Variants in SPAG6 observed in about 807,000 individuals in gnomAD.
SPAG6 encodes the protein sperm associated antigen 6.
Under a neutral mutation model 58.5 loss-of-function variants are expected in SPAG6, and 49 were observed. The observed-to-expected ratio is 0.84, with a 90% CI of 0.67 to 1.06. The LOEUF (loss-of-function observed/expected upper bound fraction) is 1.06. Among genes scored for constraint, SPAG6 ranks in the 50% least tolerant of loss-of-function variants. The probability of loss-of-function intolerance (pLI) is 0.00; values close to 1 mark genes in which losing one functional copy is unlikely to be tolerated. For missense variants in SPAG6, 560 were observed against 611.3 expected (o/e 0.92, Z 0.89); for synonymous variants, 233 against 225.6 (o/e 1.03, Z -0.29).
intron 4 of SPAG6, among the ~76,000 whole-genome samples, chr10:22,377,584 T>C (rs886292532): frequency 6.6e-6 from 1 of 152,212 alleles, no homozygotes; most frequent in East Asian, 1.9e-4. Flanking sequence ...CAGTGGGATA[T>C]TAGGCAACTG....
intron 7 of SPAG6, 35 bp from the exon 8 acceptor site, chr10:22,391,694 A>T: frequency 1.3e-6 from 2 of 1,596,898 alleles, no homozygotes; most frequent in Non-Finnish European, 1.7e-6. Flanking sequence ...CCTGCTCTAG[A>T]TTCATAACAC....
intron 2 of SPAG6, among the ~76,000 whole-genome samples, chr10:22,354,451 A>G (rs1836811734): frequency 6.6e-6 from 1 of 152,226 alleles, no homozygotes; most frequent in Admixed American, 6.5e-5. Context: ...TGAGATATCC[A>G]TGCGTCAGTG....
chr10:22,406,813 T>G (rs370661556), intron 9 of SPAG6, among the ~76,000 whole-genome samples: 45 of 152,060 alleles, frequency 3.0e-4, no homozygotes, highest in African/African-American at 8.7e-4. Context: ...TTATGAATCT[T>G]GGTGCTCCTG....
chr10:22,405,549 T>C (rs1396756649), intron 9 of SPAG6, among the ~76,000 whole-genome samples: 14 of 150,594 alleles, frequency 9.3e-5, no homozygotes, highest in African/African-American at 2.9e-4. Flanking sequence ...CAGTATTTTA[T>C]TGAGGATTTT....
intron 3 of SPAG6, among the ~76,000 whole-genome samples, chr10:22,365,551 A>G (rs1032600056): frequency 6.6e-6 from 1 of 152,056 alleles, no homozygotes; most frequent in Non-Finnish European, 1.5e-5. Context: ...TCCCCCTCCT[A>G]TCTGGTACCA....
intron 3 of SPAG6, among the ~76,000 whole-genome samples, chr10:22,367,862 A>C (rs971322517): frequency 6.6e-6 from 1 of 152,058 alleles, no homozygotes; most frequent in Admixed American, 6.5e-5. Flanking sequence ...TTAAAAAAAA[A>C]GCATTTCTAG....
At chr10:22,363,522 A>G (rs1404993221) in intron 2 of SPAG6, among the ~76,000 whole-genome samples, 3 of 152,222 alleles carry the variant, frequency 2.0e-5, no homozygotes, top group Admixed American at 2.0e-4. Flanking sequence ...AACCTAGCCA[A>G]CTTAGGCACG....
At chr10:22,362,234 T>C (rs138299639) in intron 2 of SPAG6, among the ~76,000 whole-genome samples, 5 of 148,408 alleles carry the variant, frequency 3.4e-5, no homozygotes, top group African/African-American at 1.2e-4. Flanking sequence ...TATATCTATA[T>C]ATTTCCCCCC....
chr10:22,408,318 T>C (rs1271816133), intron 9 of SPAG6, among the ~76,000 whole-genome samples: 1 of 138,238 alleles, frequency 7.2e-6, no homozygotes, highest in Non-Finnish European at 1.5e-5. Context: ...GTTTTCGGTG[T>C]GGATGTCCTT....
intron 8 of SPAG6, among the ~76,000 whole-genome samples, chr10:22,398,456 A>G (rs922169461): frequency 2.0e-5 from 3 of 152,212 alleles, no homozygotes; most frequent in Admixed American, 6.5e-5. Context: ...GCCTGGGCAC[A>G]TGGCTTATGC....
rs558651065 is a variant in SPAG6 at position 22,369,221 on chromosome 10, A to C, written c.472+543A>C. Among the ~76,000 whole-genome samples, 10 of 152,254 alleles carry C rather than the reference A, an allele frequency of 6.6e-5. No individual in the cohort carries two copies. The East Asian group carries it at 1.9e-3, about 29-fold the overall frequency. ...ATTCAACTCATACTGGGCAGGAAGA[A>C]GAGAAGGAGCATGTTCTCCTATAAA... On this transcript the variant is annotated intron_variant, in intron 4 of 10. Coordinates refer to ENST00000376624, the MANE Select transcript of SPAG6 (RefSeq NM_012443.4).
rs1328619746 is a variant in SPAG6, at chr10:22,345,857, C to T, written c.121+39C>T. ...CCGAACCCCCGTCGCCCCCCGCGCA[C>T]TGAGTCCCCGACGCCTCCGCCCCGC... is the stretch of plus-strand genomic sequence containing the variant. On this transcript the variant is annotated intron_variant, in intron 2 of 10. Transcript: ENST00000376624. The surrounding 1 kb of genome is among the most constrained non-coding windows in gnomAD (Gnocchi z 6.3). 3 of 1,596,346 alleles carry T rather than the reference C, an allele frequency of 1.9e-6. No individual in the cohort carries two copies. The highest frequency in any genetic ancestry group is 1.1e-5 in the South Asian group (1 of 88,788).
At chr10:22,403,634 C>A (rs1380901459) in intron 9 of SPAG6, among the ~76,000 whole-genome samples, 1 of 146,036 alleles carries the variant, frequency 6.8e-6, no homozygotes, top group Admixed American at 6.7e-5. Context: ...ATTTATAGTC[C>A]TTTGGGTATA....
chr10:22,382,926 T>C (rs1833987604), intron 4 of SPAG6, among the ~76,000 whole-genome samples: 1 of 152,230 alleles, frequency 6.6e-6, no homozygotes, highest in Non-Finnish European at 1.5e-5. Flanking sequence ...GTATAAATGC[T>C]GTTAGCATGT....
chr10:22,398,400 A>T (rs1404823919), intron 8 of SPAG6, among the ~76,000 whole-genome samples: 1 of 148,010 alleles, frequency 6.8e-6, no homozygotes, highest in African/African-American at 2.7e-5. Context: ...ATTATATTTC[A>T]TCAAGATAAA....
intron 3 of SPAG6, 73 bp downstream of exon 3, chr10:22,365,092 T>G: frequency 8.9e-7 from 1 of 1,129,088 alleles, no homozygotes; most frequent in East Asian, 2.6e-5. Context: ...TTGGATACAG[T>G]TGCAAGCCTG....
intron 7 of SPAG6, among the ~76,000 whole-genome samples, chr10:22,391,139 G>A (rs1329111039): frequency 6.6e-6 from 1 of 152,166 alleles, no homozygotes; most frequent in Non-Finnish European, 1.5e-5. Context: ...AAAAGTAGTC[G>A]TTGTTTTGAC....
At chr10:22,416,517 T>A (rs1834867952) in intron 10 of SPAG6, 102 bp from the exon 11 acceptor site, 4 of 709,684 alleles carry the variant, frequency 5.6e-6, no homozygotes, top group Non-Finnish European at 1.0e-5. Context: ...TATTTGAGAT[T>A]TCACTCACAG....
chr10:22,364,505 C>A lies in SPAG6; in HGVS notation c.122-348C>A, dbSNP rs146462363. Among the ~76,000 whole-genome samples the A allele has an allele frequency of 3.9e-4, 60 of 152,190 alleles. No individual in the cohort carries two copies. In the East Asian group the frequency reaches 9.5e-3, roughly 24 times the overall value. ...AGATTTGCAAAGTCTGGGGGGAAGC[C>A]CTATCTTTTTTGTGTTAGGCATCAT... is the stretch of plus-strand genomic sequence containing the variant. On this transcript the variant is annotated intron_variant, in intron 2 of 10. Transcript: ENST00000376624.
Sources: gnomAD v4.1 joint callset for allele counts (sites outside exome capture counted in the v4.1 genomes callset) on GRCh38, gnomAD v4.1.1 for gene constraint, Gnocchi (gnomAD v3.1) non-coding constraint, MANE v1.5 for transcripts, NCBI Gene and HGNC (gene_info 2026-07-23, HGNC 2026-07-21) for gene names.